The following WDHD1 variants were observed in gnomAD, a reference collection of about 807,000 sequenced individuals.
WDHD1 encodes WD repeat and HMG-box DNA binding protein 1, also known as WD repeat and HMG-box DNA-binding protein 1.
A neutral mutation model predicts 135.4 loss-of-function variants in WDHD1; 111 were observed. The ratio of observed to expected loss-of-function variants is 0.82; its 90% CI spans 0.70 to 0.96. The LOEUF is 0.96. Among genes scored for constraint, WDHD1 ranks in the 40% least tolerant of loss-of-function variants. The pLI is 0.00. For synonymous variants in WDHD1, 434 were observed against 439.0 expected (o/e 0.99, Z 0.14); for missense variants, 1,351 against 1,336.3 (o/e 1.01, Z -0.17).
intron 16 of WDHD1, among the ~76,000 whole-genome samples, chr14:54,969,357 AAAGAG>A (rs1341444366): frequency 6.6e-6 from 1 of 151,702 alleles, no homozygotes; most frequent in Non-Finnish European, 1.5e-5. Flanking sequence ...AAAAAAAAAA[AAAGAG>A]AGAGAGAAAG....
At chr14:54,981,988 CATTT>C (rs1357518502) in intron 15 of WDHD1, among the ~76,000 whole-genome samples, 5 of 151,514 alleles carry the variant, frequency 3.3e-5, no homozygotes, top group South Asian at 2.1e-4. Flanking sequence ...ATAATAATTT[CATTT>C]ATTTATTTAT....
chr14:54,951,934 T>G (rs929871898), intron 24 of WDHD1, among the ~76,000 whole-genome samples: 7 of 152,176 alleles, frequency 4.6e-5, no homozygotes, highest in Non-Finnish European at 7.3e-5. Context: ...GTGACAAAAT[T>G]CAACAACGCT....
intron 16 of WDHD1, among the ~76,000 whole-genome samples, chr14:54,978,551 C>T (rs1400892968): frequency 6.6e-6 from 1 of 151,750 alleles, no homozygotes; most frequent in Non-Finnish European, 1.5e-5. Context: ...CACTACTGCA[C>T]TCCAGCATGG....
chr14:55,013,611 C>T lies in WDHD1; in HGVS notation c.78-15G>A. 2 of 1,602,998 alleles carry T rather than the reference C, an allele frequency of 1.2e-6. No individual in the cohort carries two copies. The highest frequency in any genetic ancestry group is 1.7e-6 in the Non-Finnish European group (2 of 1,170,038). ...TCACAATAAAACTGTGAAGAAAAGA[C>T]ACAAATTAAAGTCATCGGGCATGGT... On this transcript the variant is annotated splice_polypyrimidine_tract_variant and intron_variant, in intron 2 of 25. Coordinates refer to ENST00000360586, the MANE Select transcript of WDHD1 (RefSeq NM_007086.4).
At chr14:54,967,429 A>G (rs1566716857) in intron 16 of WDHD1, 35 bp from the exon 17 acceptor site, 1 of 1,505,616 alleles carries the variant, frequency 6.6e-7, no homozygotes, top group South Asian at 1.2e-5. Flanking sequence ...ATAAAAATTT[A>G]CTAACATGTC....
chr14:55,024,018 ACT>A (rs778537780), intron 2 of WDHD1, among the ~76,000 whole-genome samples: 1 of 152,198 alleles, frequency 6.6e-6, no homozygotes, highest in African/African-American at 2.4e-5. Context: ...CTCATGACAT[ACT>A]TTTTCTTAAT....
intron 18 of WDHD1, among the ~76,000 whole-genome samples, chr14:54,965,571 C>G (rs185504317): frequency 6.6e-6 from 1 of 152,072 alleles, no homozygotes. Flanking sequence ...CTTGAGAGCC[C>G]GTTAAAACAT....
chr14:54,992,636 C>T lies in WDHD1; in HGVS notation c.1154-1236G>A, dbSNP rs147524045. Among the ~76,000 whole-genome samples, 796 of 152,224 alleles carry T rather than the reference C, an allele frequency of 5.2e-3. 10 individuals carry two copies. The highest frequency in any genetic ancestry group is 0.018 in the African/African-American group (752 of 41,524). ...AACACTAGCAGATATAATTTACAGC[C>T]AGGTGCTGTGACTCACGCTTGTAAT... is the stretch of plus-strand genomic sequence containing the variant. On this transcript the variant is annotated intron_variant, in intron 11 of 25. Transcript: ENST00000360586.
chr14:54,994,087 T>C (rs1213330003), intron 11 of WDHD1, among the ~76,000 whole-genome samples: 1 of 152,194 alleles, frequency 6.6e-6, no homozygotes, highest in African/African-American at 2.4e-5. Flanking sequence ...ATTTGAAGAT[T>C]TTCAATTACA....
intron 16 of WDHD1, among the ~76,000 whole-genome samples, chr14:54,976,892 C>T (rs1566722139): frequency 6.6e-6 from 1 of 151,916 alleles, no homozygotes; most frequent in Non-Finnish European, 1.5e-5. Flanking sequence ...ACATAATATA[C>T]AAATAAATAC....
Position 54,984,960 on chromosome 14 carries a change from G to A in WDHD1, c.1769-100C>T, listed in dbSNP as rs926052633. ...GAATTGATTTTGTGGTAAATTACTA[G>A]ACTGACTAGCACTACTTTTTATGAA... is the stretch of plus-strand genomic sequence containing the variant. On this transcript the variant is annotated intron_variant, in intron 14 of 25. Coordinates refer to ENST00000360586, the MANE Select transcript of WDHD1 (RefSeq NM_007086.4). The A allele has an allele frequency of 8.9e-6, 13 of 1,459,324 alleles. No homozygotes were observed. The African/African-American group carries it at 1.7e-4, about 19-fold the overall frequency. The allele number at this position is 1,459,324 out of a possible 1,614,324, so 90.4% of individuals were successfully genotyped here.
intron 24 of WDHD1, among the ~76,000 whole-genome samples, chr14:54,948,291 C>T (rs1595055323): frequency 1.3e-5 from 2 of 152,244 alleles, no homozygotes; most frequent in Admixed American, 6.5e-5. Context: ...TCAGAAAATT[C>T]CCTTTCCTAG....
intron 20 of WDHD1, 27 bp from the exon 21 acceptor site, chr14:54,962,578 T>C (rs995929756): frequency 6.3e-7 from 1 of 1,581,980 alleles, no homozygotes. Context: ...AGCAATATAA[T>C]GTAAATGGGG....
intron 24 of WDHD1, among the ~76,000 whole-genome samples, chr14:54,947,812 G>A (rs2040954727): frequency 6.6e-6 from 1 of 151,732 alleles, no homozygotes; most frequent in Admixed American, 6.6e-5. Flanking sequence ...GGCTGGTCTC[G>A]AACTCTTGAC....
In WDHD1 at chr14:54,987,167, G is replaced by A. The variant is rs1478364989; in HGVS notation, c.1747C>T (p.Leu583Phe). ...CTACCTCTGTGATAAACAATGAAAA[G>A]CTGTTCTCCATGTCCTGCCATTGAC... is the stretch of plus-strand genomic sequence containing the variant. ...VVSMAGHGEQ[L>F]FIVYHRGTGF... The change falls in exon 14 of 26, where the codon CTT (leucine) becomes TTT (phenylalanine). Residue 583 changes from leucine (L) to phenylalanine (F), a missense_variant. This residue lies in a region of WDHD1 where 1,330 missense variants were observed against 1,296.1 expected (regional missense o/e 1.03). Coordinates refer to ENST00000360586, the MANE Select transcript of WDHD1 (RefSeq NM_007086.4). The A allele has an allele frequency of 1.9e-6, 3 of 1,613,894 alleles. No homozygotes were observed. Among genetic ancestry groups the A allele is most frequent in the Admixed American group, 1.7e-5 (1 of 59,986 alleles).
At chr14:55,021,365 T>C (rs1380587756) in intron 2 of WDHD1, among the ~76,000 whole-genome samples, 1 of 152,206 alleles carries the variant, frequency 6.6e-6, no homozygotes, top group African/African-American at 2.4e-5. Context: ...TTCTATCAAA[T>C]TGTCTTCTGC....
intron 7 of WDHD1, chr14:55,004,860 TGGG>T: frequency 1.9e-6 from 1 of 513,546 alleles, no homozygotes; most frequent in South Asian, 1.4e-5. Context: ...GTCTGAGCAG[TGGG>T]GAGCCGCAGA....
In WDHD1 at chr14:55,010,984, A is replaced by AGC. The variant is rs1342904087; in HGVS notation, c.190-525_190-524insGC. Among the ~76,000 whole-genome samples the AGC allele has an allele frequency of 2.6e-5, 4 of 152,342 alleles. No individual in the cohort carries two copies. In the East Asian group the frequency reaches 7.7e-4, roughly 29 times the overall value. ...GAGGATTGCCACACCACCAGAACCC[A>AGC]GAAGACAGGAATGGAACATATTCTC... is the stretch of plus-strand genomic sequence containing the variant. On this transcript the variant is annotated intron_variant, in intron 3 of 25. Transcript: ENST00000360586.
intron 2 of WDHD1, among the ~76,000 whole-genome samples, chr14:55,023,731 A>C (rs1414131307): frequency 6.6e-6 from 1 of 152,250 alleles, no homozygotes; most frequent in African/African-American, 2.4e-5. Flanking sequence ...AACCTCATAC[A>C]GTGTTTTAAG....
Sources: gnomAD v4.1 joint callset for allele counts (sites outside exome capture counted in the v4.1 genomes callset) on GRCh38, gnomAD v4.1.1 for gene constraint, gnomAD v4.1.1 regional missense constraint, MANE v1.5 for transcripts, NCBI Gene and HGNC (gene_info 2026-07-23, HGNC 2026-07-21) for gene names.